ANK2: variants seen among roughly 807,000 people sequenced by gnomAD.
The protein encoded by ANK2 is ankyrin 2.
In ANK2, 83 loss-of-function variants were observed where a neutral mutation model predicts 360.5. The ratio of observed to expected loss-of-function variants is 0.23; its 90% CI spans 0.19 to 0.28. The LOEUF (loss-of-function observed/expected upper bound fraction) is 0.28. Among genes scored for constraint, ANK2 ranks in the 10% least tolerant of loss-of-function variants. The pLI, the probability that ANK2 is intolerant of heterozygous loss-of-function variation, is 1.00. For synonymous variants in ANK2, 1,740 were observed against 1,759.5 expected, an observed-to-expected ratio of 0.99 and a Z score of 0.28; for missense variants, 4,201 against 4,795.7, an observed-to-expected ratio of 0.88 and a Z score of 3.66.
chr4:113,336,836 G>A lies in ANK2; in HGVS notation c.3796+55G>A, dbSNP rs73841965. 6,590 of 1,524,266 alleles carry A rather than the reference G, an allele frequency of 4.3e-3. 279 individuals carry two copies. In the African/African-American group the frequency reaches 0.078, roughly 18 times the overall value. 94.4% of individuals were successfully genotyped at this position (1,524,266 alleles called of 1,614,324 possible). A position where few individuals can be genotyped will look rare whatever the true frequency, so the allele number is the denominator to read the frequency against. ...AGTTCTGAAAAAAGAAACTTAGATC[G>A]TTGTAAATATTAAATTACCTTTGTC... On this transcript the variant is annotated intron_variant, in intron 31 of 45. Coordinates refer to ENST00000357077, the MANE Select transcript of ANK2 (RefSeq NM_001148.6).
chr4:112,706,726 G>A, the ANK2 span: 1 of 152,236 alleles, frequency 6.6e-6, no homozygotes, highest in Non-Finnish European at 1.5e-5. Context: ...TCAACTTTCG[G>A]GCAAAGCTTC....
At chr4:113,376,577 T>A (rs1208604596) in intron 45 of ANK2, among the ~76,000 whole-genome samples, 1 of 152,166 alleles carries the variant, frequency 6.6e-6, no homozygotes, top group Non-Finnish European at 1.5e-5. Context: ...TTAATTTTTT[T>A]AAATCTTCCT....
chr4:113,142,118 C>T (rs928157135), intron 1 of ANK2, among the ~76,000 whole-genome samples: 3 of 152,194 alleles, frequency 2.0e-5, no homozygotes, highest in Admixed American at 6.5e-5. Context: ...TCTGCCCTGG[C>T]AGAAAGCATA....
chr4:112,863,776 C>T (rs929616476), intron 1 of ANK2, among the ~76,000 whole-genome samples: 1 of 152,094 alleles, frequency 6.6e-6, no homozygotes, highest in African/African-American at 2.4e-5. Context: ...CCCGCCTCGG[C>T]CTCCCAAAGT....
At chr4:112,874,644 A>G (rs1161267204) in intron 1 of ANK2, among the ~76,000 whole-genome samples, 1 of 35,132 alleles carries the variant, frequency 2.8e-5, no homozygotes, top group Admixed American at 3.6e-4. Flanking sequence ...CGCCATCTCA[A>G]AAAAAAAAAA....
chr4:112,995,419 A>C (rs12503954), intron 2 of ANK2, among the ~76,000 whole-genome samples: 3 of 151,926 alleles, frequency 2.0e-5, no homozygotes, highest in Non-Finnish European at 4.4e-5. Flanking sequence ...AAGTGTATTC[A>C]TGTCCTTTAC....
chr4:113,238,429 T>C (rs1435222042), intron 7 of ANK2, among the ~76,000 whole-genome samples: 1 of 152,190 alleles, frequency 6.6e-6, no homozygotes, highest in East Asian at 1.9e-4. Context: ...TTGTGGACTT[T>C]TGAGCATTCT....
At chr4:112,718,253 G>A in the ANK2 span, among the ~76,000 whole-genome samples, 1 of 152,214 alleles carries the variant, frequency 6.6e-6, no homozygotes, top group Non-Finnish European at 1.5e-5. Flanking sequence ...CCCAGTTGAT[G>A]GGGAGACAAG....
chr4:113,180,801 G>T (rs1343791650), intron 2 of ANK2, among the ~76,000 whole-genome samples: 22 of 152,052 alleles, frequency 1.4e-4, no homozygotes, highest in Admixed American at 1.4e-3. Context: ...AGTTAAATTA[G>T]GCACAAATAT....
intron 1 of ANK2, among the ~76,000 whole-genome samples, chr4:113,050,938 C>A (rs1273261481): frequency 1.3e-5 from 2 of 152,072 alleles, no homozygotes; most frequent in East Asian, 3.9e-4. Flanking sequence ...TATCAGCAAA[C>A]AAGGGAGTAG....
the ANK2 span, among the ~76,000 whole-genome samples, chr4:112,803,315 T>G: frequency 6.6e-6 from 1 of 152,166 alleles, no homozygotes; most frequent in East Asian, 1.9e-4. Context: ...GGCAAGATTA[T>G]ATTGGATTAT....
At position 113,365,085 on chromosome 4, in the gene ANK2, T is replaced by G. The variant is rs143932461; in HGVS notation, c.10935T>G (p.Ile3645Met). 1 of 1,614,024 alleles carries G rather than the reference T, an allele frequency of 6.2e-7. No individual in the cohort carries two copies. Among genetic ancestry groups the G allele is most frequent in the Admixed American group, 1.7e-5 (1 of 60,010 alleles). Residue 3645 changes from isoleucine (I) to methionine (M), a missense_variant, in exon 41 of 46, where the codon ATT becomes ATG. By Grantham distance (10) the Ile-to-Met change is conservative. Transcript: ENST00000357077. ...TCACCAAGATCAACCGAATGGATATTGTTCATCTCATGGAGACCAACACAG... is the reference window on the plus strand; with the variant it reads ...TCACCAAGATCAACCGAATGGATATGGTTCATCTCATGGAGACCAACACAG... ...ECLTKINRMD[I>M]VHLMETNTEP... is the part of the protein sequence containing the mutation.
At chr4:113,170,412 TTCTG>T (rs1278558612) in intron 1 of ANK2, among the ~76,000 whole-genome samples, 12 of 152,192 alleles carry the variant, frequency 7.9e-5, no homozygotes, top group Non-Finnish European at 8.8e-5. Context: ...CAGCAAAATG[TTCTG>T]TCTATTATGC....
chr4:113,139,100 T>C (rs2096547351), intron 1 of ANK2, among the ~76,000 whole-genome samples: 1 of 152,198 alleles, frequency 6.6e-6, no homozygotes, highest in South Asian at 2.1e-4. Flanking sequence ...CTAACTACCA[T>C]GGCATGTGAG....
intron 31 of ANK2, among the ~76,000 whole-genome samples, chr4:113,337,523 G>T (rs1160238871): frequency 6.6e-6 from 1 of 152,102 alleles, no homozygotes; most frequent in Non-Finnish European, 1.5e-5. Context: ...ATAATTACAT[G>T]GTGTTGGTAT....
chr4:113,296,627 C>T (rs572973869), intron 22 of ANK2, among the ~76,000 whole-genome samples: 3 of 152,234 alleles, frequency 2.0e-5, no homozygotes, highest in East Asian at 1.9e-4. Context: ...ATTTTGGAAT[C>T]GTAGTTTGTT....
intron 2 of ANK2, among the ~76,000 whole-genome samples, chr4:113,192,619 A>G (rs1348869108): frequency 6.6e-6 from 1 of 152,178 alleles, no homozygotes; most frequent in Non-Finnish European, 1.5e-5. Flanking sequence ...TCCTCTTATA[A>G]GTGGTAGTGA....
At chr4:113,377,366 A>G (rs548303277) in intron 45 of ANK2, among the ~76,000 whole-genome samples, 1 of 152,266 alleles carries the variant, frequency 6.6e-6, no homozygotes, top group South Asian at 2.1e-4. Context: ...GCTCCATTAT[A>G]ATCTTATGGG....
In ANK2 at chr4:113,181,942, G is replaced by C. The variant is rs190072724; in HGVS notation, c.186+7425G>C. 2.9e-3 allele frequency among the ~76,000 whole-genome samples: 447 copies of C among 152,282 alleles called. 3 individuals carry two copies. Among genetic ancestry groups the C allele is most frequent in the African/African-American group, 0.01 (428 of 41,568 alleles). On this transcript the variant is annotated intron_variant, in intron 2 of 45. Coordinates refer to ENST00000357077, the MANE Select transcript of ANK2 (RefSeq NM_001148.6). ...CAGAGAAGTGATTAGAGGGTTTTTA[G>C]TGGAAGAGTGACATACGCTGACGAG... is the stretch of plus-strand genomic sequence containing the variant.
Sources: allele counts gnomAD v4.1 joint callset (sites outside exome capture counted in the v4.1 genomes callset), GRCh38; gene constraint gnomAD v4.1.1; transcripts MANE v1.5; gene names NCBI Gene and HGNC (gene_info 2026-07-23, HGNC 2026-07-21).